UGT2B4: variants seen among roughly 807,000 people sequenced by gnomAD.
UGT2B4 encodes UDP-glucuronosyltransferase 2B4.
In UGT2B4, 49 loss-of-function variants were observed where a neutral mutation model predicts 49.8. The observed-to-expected ratio is 0.98, with a 90% CI of 0.78 to 1.25. The LOEUF (loss-of-function observed/expected upper bound fraction) is 1.25. UGT2B4 is among the 50% of genes most tolerant of loss of function. UGT2B4 has a pLI of 0.00. For synonymous variants in UGT2B4, 246 were observed against 217.7 expected, an observed-to-expected ratio of 1.13 and a Z score of -1.14; for missense variants, 729 against 627.7, an observed-to-expected ratio of 1.16 and a Z score of -1.73.
In UGT2B4 at chr4:69,493,835, G is replaced by C; in HGVS notation, c.728C>G (p.Pro243Arg). 1 of 1,591,360 alleles carries C rather than the reference G, an allele frequency of 6.3e-7. No homozygotes were observed. Among genetic ancestry groups the C allele is most frequent in the Non-Finnish European group, 8.5e-7 (1 of 1,171,980 alleles). Residue 243 changes from proline to arginine, a missense_variant, in exon 2 of 6, where the codon CCC becomes CGC. Transcript: ENST00000305107. ...DQFYSEVLGR[P>R]TTLSETMAKA... ...TGCCATTGTCTCAGATAACGTAGTGGGTCTTCCTGATGGGGGAAAAAAAAA... is the reference window on the plus strand; with the variant it reads ...TGCCATTGTCTCAGATAACGTAGTGCGTCTTCCTGATGGGGGAAAAAAAAA...
At chr4:69,501,783 A>G (rs934735615) in intron 1 of UGT2B4, among the ~76,000 whole-genome samples, 1 of 152,106 alleles carries the variant, frequency 6.6e-6, no homozygotes, top group Non-Finnish European at 1.5e-5. Flanking sequence ...GGAGGTTCCA[A>G]GGTGACCAGG....
intron 2 of UGT2B4, among the ~76,000 whole-genome samples, chr4:69,491,490 G>T (rs1373616142): frequency 6.6e-6 from 1 of 151,940 alleles, no homozygotes; most frequent in African/African-American, 2.4e-5. Flanking sequence ...CATTTGCCAA[G>T]TGTCCTTTTC....
At chr4:69,500,311 GTTGA>G (rs1312316941), upstream of UGT2B4, among the ~76,000 whole-genome samples, 1 of 152,012 alleles carries the variant, frequency 6.6e-6, no homozygotes, top group Non-Finnish European at 1.5e-5. Flanking sequence ...TCGGTGATGG[GTTGA>G]TAGCTGCAGC....
At chr4:69,485,133 G>A (rs954971874) in intron 5 of UGT2B4, 75 bp downstream of exon 5, 1 of 1,516,922 alleles carries the variant, frequency 6.6e-7, no homozygotes, top group African/African-American at 1.4e-5. Context: ...TTATAAAAAG[G>A]ATAAAAGTCA....
intron 3 of UGT2B4, among the ~76,000 whole-genome samples, chr4:69,487,422 A>T (rs553064178): frequency 1.0e-3 from 154 of 152,322 alleles, no homozygotes; most frequent in Non-Finnish European, 2.1e-3. Context: ...CATAAAAAAG[A>T]ACAAGATCAT....
At chr4:69,502,101 CTT>C (rs1267469688) in intron 1 of UGT2B4, among the ~76,000 whole-genome samples, 91 of 103,654 alleles carry the variant, frequency 8.8e-4, no homozygotes, top group Non-Finnish European at 1.2e-3. Context: ...CTCTTTCTTT[CTT>C]TCTTTCTTTC....
In UGT2B4 at chr4:69,504,821, G is replaced by GA. The variant is rs573905067; in HGVS notation, c.-105-8856dup. Among the ~76,000 whole-genome samples, 33 of 147,748 alleles carry GA rather than the reference G, an allele frequency of 2.2e-4. 1 individual carries two copies. The highest frequency in any genetic ancestry group is 4.2e-4 in the African/African-American group (17 of 40,262). The stretch of plus-strand genomic sequence containing the variant: ...TTATCAGATTCTTCTTGGTAGAAAT[G>GA]AAAAAAAAACAAATGTTACAGAAAG... On this transcript the variant is annotated intron_variant, in intron 1 of 1. Transcript: ENST00000510114.
intron 2 of UGT2B4, 99 bp downstream of exon 2, chr4:69,493,594 C>T: frequency 7.0e-7 from 1 of 1,420,258 alleles, no homozygotes. Flanking sequence ...ACTCTTCCCA[C>T]TTCCACCTTT....
intron 1 of UGT2B4, among the ~76,000 whole-genome samples, chr4:69,525,477 T>C (rs1172296016): frequency 2.0e-5 from 3 of 152,084 alleles, no homozygotes; most frequent in Admixed American, 1.3e-4. Context: ...GGAAAAAAAA[T>C]ATGAACCATT....
At chr4:69,514,517 A>AG (rs1486900004) in intron 1 of UGT2B4, among the ~76,000 whole-genome samples, 2 of 152,136 alleles carry the variant, frequency 1.3e-5, no homozygotes, top group African/African-American at 4.8e-5. Flanking sequence ...GTGGGGAGAG[A>AG]GGGCATCCTT....
intron 1 of UGT2B4, among the ~76,000 whole-genome samples, chr4:69,516,271 T>C (rs1189050474): frequency 6.6e-6 from 1 of 152,232 alleles, no homozygotes; most frequent in East Asian, 1.9e-4. Flanking sequence ...TTTGCCATTA[T>C]GAACAGTGCG....
At chr4:69,500,606 G>GAAGAAAGCAAGAAAGA (rs1728283129), upstream of UGT2B4, among the ~76,000 whole-genome samples, 2 of 99,510 alleles carry the variant, frequency 2.0e-5, no homozygotes, top group African/African-American at 8.6e-5. Flanking sequence ...AGAAAGCAAG[G>GAAGAAAGCAAGAAAGA]AAGAAAGAAA....
intron 1 of UGT2B4, among the ~76,000 whole-genome samples, chr4:69,505,334 A>C (rs895399497): frequency 2.0e-5 from 3 of 152,150 alleles, no homozygotes; most frequent in African/African-American, 4.8e-5. Flanking sequence ...AACCAATCTC[A>C]CCTGCAATGG....
At position 69,485,336 on chromosome 4, in the gene UGT2B4, T is replaced by C. The variant is rs201423298; in HGVS notation, c.1182A>G (p.Pro394=). 35 of 1,614,066 alleles carry C rather than the reference T, an allele frequency of 2.2e-5. No individual in the cohort carries two copies. The African/African-American group carries it at 4.0e-4, about 18-fold the overall frequency. The change falls in exon 5 of 6, where the codon CCA becomes CCG. Residue 394 remains proline (P), a synonymous_variant. Coordinates refer to ENST00000305107, the MANE Select transcript of UGT2B4 (RefSeq NM_021139.3). ...IYHGIPMVGV[P]LFADQPDNIA... ...TGTTATCAGGTTGATCTGCAAACAA[T>C]GGAACGCCCACCATAGGGATTCCAT...
chr4:69,483,040 CA>C (rs1384044032), intron 5 of UGT2B4, among the ~76,000 whole-genome samples: 1 of 152,008 alleles, frequency 6.6e-6, no homozygotes, highest in Non-Finnish European at 1.5e-5. Flanking sequence ...TTGTATATAG[CA>C]ATAGGCTTAC....
Position 69,507,315 on chromosome 4 carries a change from T to C in UGT2B4, c.-105-11349A>G, listed in dbSNP as rs150935891. 4.3e-3 allele frequency among the ~76,000 whole-genome samples: 651 copies of C among 152,272 alleles called. 6 individuals are homozygous for C. The highest frequency in any genetic ancestry group is 6.8e-3 in the Middle Eastern group (2 of 294). ...TTTGCAGATGACATAATCCTATATCTAGAAAACTCCATCGTCTCGGGCCAA... is the reference window on the plus strand; with the variant it reads ...TTTGCAGATGACATAATCCTATATCCAGAAAACTCCATCGTCTCGGGCCAA... On this transcript the variant is annotated intron_variant, in intron 1 of 1. Transcript: ENST00000510114.
At chr4:69,491,408 AT>A (rs759964003) in intron 2 of UGT2B4, among the ~76,000 whole-genome samples, 2 of 151,714 alleles carry the variant, frequency 1.3e-5, no homozygotes, top group African/African-American at 2.4e-5. Context: ...ATCTTGATTT[AT>A]TTTTTCTCTG....
At chr4:69,518,279 T>G (rs183263941) in intron 1 of UGT2B4, 1 of 152,242 alleles carries the variant, frequency 6.6e-6, no homozygotes, top group Non-Finnish European at 1.5e-5. Flanking sequence ...CTCCAAAATA[T>G]TGTTGACATT....
chr4:69,485,425 G>T lies in UGT2B4; in HGVS notation c.1093C>A (p.His365Asn). The change falls in exon 5 of 6, where the codon CAC becomes AAC. Residue 365 changes from histidine to asparagine, a missense_variant and splice_region_variant. Physicochemically the swap from His to Asn is moderately conservative, Grantham distance 68 (BLOSUM62 1). Coordinates refer to ENST00000305107, the MANE Select transcript of UGT2B4 (RefSeq NM_021139.3). ...GTTATAAAAGCTCTGGTTTTTGGGT[G>T]ACCTAGGATTGGATGAATTTTAGCA... ...KWIPQNDLLG[H>N]PKTRAFITHG... 6.2e-7 allele frequency: 1 copy of T among 1,613,582 alleles called. No homozygotes were observed. Among genetic ancestry groups the T allele is most frequent in the Non-Finnish European group, 8.5e-7 (1 of 1,179,700 alleles).
Sources: gnomAD v4.1 joint callset for allele counts (sites outside exome capture counted in the v4.1 genomes callset) on GRCh38, gnomAD v4.1.1 for gene constraint, MANE v1.5 for transcripts, NCBI Gene and HGNC (gene_info 2026-07-23, HGNC 2026-07-21) for gene names.